The following LINGO1 variants were observed in gnomAD, a reference collection of about 807,000 sequenced individuals.
The protein encoded by LINGO1 is leucine rich repeat and Ig domain containing 1.
In LINGO1, 11 loss-of-function variants were observed where a neutral mutation model predicts 37.3. The ratio of observed to expected loss-of-function variants is 0.29; its 90% CI spans 0.19 to 0.49. The LOEUF (loss-of-function observed/expected upper bound fraction) is 0.49, where lower values mean the gene tolerates loss of function less well. LINGO1 is among the 20% of genes least tolerant of loss of function. The pLI is 0.99. For synonymous variants in LINGO1, 387 were observed against 403.0 expected, an observed-to-expected ratio of 0.96 and a Z score of 0.48; for missense variants, 585 against 878.2, an observed-to-expected ratio of 0.67 and a Z score of 4.22.
intron 1 of LINGO1, among the ~76,000 whole-genome samples, chr15:77,772,275 G>A (rs1178462997): frequency 6.6e-6 from 1 of 152,214 alleles, no homozygotes; most frequent in East Asian, 1.9e-4. Context: ...CTAAGAGTAT[G>A]GAGTTTGGTG....
chr15:77,643,856 G>A (rs2074563627), intron 3 of LINGO1, among the ~76,000 whole-genome samples: 1 of 152,222 alleles, frequency 6.6e-6, no homozygotes, highest in Non-Finnish European at 1.5e-5. Context: ...GGTGACAGCT[G>A]TAAACAGGGA....
intron 1 of LINGO1, among the ~76,000 whole-genome samples, chr15:77,752,137 G>A (rs946774679): frequency 2.0e-5 from 3 of 152,158 alleles, no homozygotes; most frequent in African/African-American, 7.2e-5. Context: ...CCAGGAAAAC[G>A]CTGCTGGGGG....
chr15:77,704,544 C>T (rs1156235823), intron 2 of LINGO1, among the ~76,000 whole-genome samples: 1 of 150,618 alleles, frequency 6.6e-6, no homozygotes, highest in Non-Finnish European at 1.5e-5. Context: ...CCTGGCCACA[C>T]ACTGAGCCCC....
chr15:77,742,027 G>A (rs3935682), intron 1 of LINGO1, among the ~76,000 whole-genome samples: 56,866 of 152,014 alleles, frequency 0.37, 11,479 homozygotes, highest in Admixed American at 0.52. Context: ...AAGGTGCTGA[G>A]CATCACCCTC....
chr15:77,613,456 G>T lies in LINGO1; in HGVS notation c.*588C>A, dbSNP rs1758369845. ...GAGCTGGGCCCAGGCCTGCCCCCTA[G>T]CCTGCTCCTGATGGTGCCTGGGGCG... On this transcript the variant is annotated 3_prime_UTR_variant, in exon 2 of 2. Coordinates refer to ENST00000355300, the MANE Select transcript of LINGO1 (RefSeq NM_032808.7). 1 of 157,630 alleles carries T rather than the reference G, an allele frequency of 6.3e-6. No individual in the cohort carries two copies. The highest frequency in any genetic ancestry group is 1.9e-4 in the South Asian group (1 of 5,228). 9.8% of individuals were successfully genotyped at this position (157,630 alleles called of 1,614,324 possible). A position where few individuals can be genotyped will look rare whatever the true frequency, so the allele number is the denominator to read the frequency against.
chr15:77,666,582 T>C (rs1322767342), intron 3 of LINGO1, among the ~76,000 whole-genome samples: 1 of 152,164 alleles, frequency 6.6e-6, no homozygotes, highest in Admixed American at 6.5e-5. Flanking sequence ...GGGTGATGGC[T>C]CAGTAGAAGA....
chr15:77,694,394 G>A (rs1392918056), intron 1 of LINGO1, among the ~76,000 whole-genome samples: 1 of 152,102 alleles, frequency 6.6e-6, no homozygotes, highest in Admixed American at 6.5e-5. Context: ...CAGCACATCA[G>A]CCTCAGATTC....
intron 2 of LINGO1, among the ~76,000 whole-genome samples, chr15:77,794,610 C>T (rs56322658): frequency 0.12 from 15,402 of 126,140 alleles, 1,316 homozygotes; most frequent in African/African-American, 0.2. Context: ...TTTTTTGAGA[C>T]GGAGTCTCGC....
At chr15:77,641,172 G>A (rs1044251323) in intron 3 of LINGO1, among the ~76,000 whole-genome samples, 6 of 152,200 alleles carry the variant, frequency 3.9e-5, no homozygotes, top group Admixed American at 6.5e-5. Context: ...GGCCAAGGAG[G>A]TGCCAGCTCA....
chr15:77,815,919 C>A (rs2077043975), intron 1 of LINGO1, among the ~76,000 whole-genome samples: 1 of 152,202 alleles, frequency 6.6e-6, no homozygotes. Flanking sequence ...GTGAACTACT[C>A]CACTGCAAAC....
chr15:77,814,947 T>C (rs1385789447), intron 1 of LINGO1, among the ~76,000 whole-genome samples: 1 of 152,224 alleles, frequency 6.6e-6, no homozygotes, highest in Admixed American at 6.5e-5. Context: ...GGAGGGTGGC[T>C]GGCACAGCTG....
chr15:77,776,542 G>GCAGGAAGGCAGGAAAGC (rs1429144825), intron 1 of LINGO1, among the ~76,000 whole-genome samples: 2 of 36,960 alleles, frequency 5.4e-5, no homozygotes, highest in Non-Finnish European at 1.2e-4. Context: ...GGGAGGGAGG[G>GCAGGAAGGCAGGAAAGC]AGGGAGGGAG....
chr15:77,720,427 C>A (rs949502160), intron 2 of LINGO1, among the ~76,000 whole-genome samples: 1 of 152,248 alleles, frequency 6.6e-6, no homozygotes, highest in African/African-American at 2.4e-5. Context: ...CACCAGGCCA[C>A]CCGGCAGCAG....
chr15:77,783,997 G>T (rs2076747273), intron 1 of LINGO1, among the ~76,000 whole-genome samples: 1 of 152,260 alleles, frequency 6.6e-6, no homozygotes, highest in African/African-American at 2.4e-5. Flanking sequence ...TGGGAGGGCT[G>T]GCCAGGGAGG....
At chr15:77,765,426 A>C (rs563543040) in intron 1 of LINGO1, among the ~76,000 whole-genome samples, 1 of 152,062 alleles carries the variant, frequency 6.6e-6, no homozygotes, top group Non-Finnish European at 1.5e-5. Context: ...AAAAAAAAAA[A>C]AAACCAGAAC....
chr15:77,656,318 A>C (rs1596057534), intron 3 of LINGO1, among the ~76,000 whole-genome samples: 1 of 147,740 alleles, frequency 6.8e-6, no homozygotes, highest in Non-Finnish European at 1.5e-5. Context: ...GCTGCCTCTG[A>C]CTCTCTCTCT....
At position 77,731,389 on chromosome 15, in the gene LINGO1, A is replaced by G. The variant is rs935131505; in HGVS notation, c.-195+3603T>C. On this transcript the variant is annotated intron_variant, in intron 2 of 3. Coordinates refer to the LINGO1 transcript ENST00000561686. ...CCCACGCGTGTCCCCTGCCCGGGAC[A>G]GCCAGAGCCTGGCACTAGAGCCTGC... Among the ~76,000 whole-genome samples, 3 of 152,184 alleles carry G rather than the reference A, an allele frequency of 2.0e-5. No homozygotes were observed. In the South Asian group the frequency reaches 6.2e-4, roughly 32 times the overall value.
At chr15:77,675,695 C>T (rs576144923) in intron 3 of LINGO1, among the ~76,000 whole-genome samples, 7 of 152,000 alleles carry the variant, frequency 4.6e-5, no homozygotes, top group South Asian at 4.2e-4. Context: ...GATGGATAGA[C>T]GGATGAATAG....
chr15:77,763,658 C>T (rs2076499891), intron 1 of LINGO1, among the ~76,000 whole-genome samples: 1 of 152,120 alleles, frequency 6.6e-6, no homozygotes, highest in African/African-American at 2.4e-5. Context: ...GGAACTCTTA[C>T]CTGCATTATC....
Sources: allele counts gnomAD v4.1 joint callset (sites outside exome capture counted in the v4.1 genomes callset), GRCh38; gene constraint gnomAD v4.1.1; transcripts MANE v1.5; gene names NCBI Gene and HGNC (gene_info 2026-07-23, HGNC 2026-07-21).